WDR64: variants seen among roughly 807,000 people sequenced by gnomAD.
WDR64 encodes the protein WD repeat domain 64, also known as WD repeat-containing protein 64.
WDR64 carries 112 observed loss-of-function variants against 139.3 expected under a neutral mutation model. The ratio of observed to expected loss-of-function variants is 0.80; its 90% CI spans 0.69 to 0.94. The LOEUF (loss-of-function observed/expected upper bound fraction) is 0.94. Among genes scored for constraint, WDR64 ranks in the 40% least tolerant of loss-of-function variants. WDR64 has a pLI of 0.00. For missense variants in WDR64, 1,206 were observed against 1,293.1 expected, an observed-to-expected ratio of 0.93 and a Z score of 1.03; for synonymous variants, 444 against 437.7, an observed-to-expected ratio of 1.01 and a Z score of -0.18.
At chr1:241,752,280 A>G (rs1670008909) in intron 14 of WDR64, among the ~76,000 whole-genome samples, 1 of 152,214 alleles carries the variant, frequency 6.6e-6, no homozygotes, top group South Asian at 2.1e-4. Context: ...GTAGAAAATA[A>G]GGGTAACTTT....
intron 9 of WDR64, among the ~76,000 whole-genome samples, chr1:241,719,033 G>C (rs1668508456): frequency 6.6e-6 from 1 of 152,104 alleles, no homozygotes; most frequent in Non-Finnish European, 1.5e-5. Flanking sequence ...TCACTCAATT[G>C]CAATTCTTAA....
At chr1:241,706,341 A>G (rs987651106) in intron 8 of WDR64, among the ~76,000 whole-genome samples, 1 of 152,252 alleles carries the variant, frequency 6.6e-6, no homozygotes, top group African/African-American at 2.4e-5. Context: ...GAATTGGCCC[A>G]AGAAGATTTG....
intron 16 of WDR64, among the ~76,000 whole-genome samples, chr1:241,768,207 G>C (rs578217664): frequency 1.3e-5 from 2 of 152,340 alleles, no homozygotes; most frequent in South Asian, 4.1e-4. Flanking sequence ...AAACAACCAA[G>C]TATAGTGTGG....
chr1:241,772,969 G>A, intron 20 of WDR64, 38 bp downstream of exon 20: 3 of 1,524,296 alleles, frequency 2.0e-6, no homozygotes, highest in Non-Finnish European at 2.6e-6. Flanking sequence ...AGGAAAGAAT[G>A]GGAAAGATAA....
At chr1:241,705,561 A>ATAAAT (rs1667915994) in intron 8 of WDR64, among the ~76,000 whole-genome samples, 1 of 113,236 alleles carries the variant, frequency 8.8e-6, no homozygotes, top group South Asian at 2.7e-4. Context: ...AAATAAATAA[A>ATAAAT]TAATAATAAT....
At chr1:241,661,561 A>T (rs190996120) in intron 2 of WDR64, among the ~76,000 whole-genome samples, 1 of 152,292 alleles carries the variant, frequency 6.6e-6, no homozygotes, top group Admixed American at 6.5e-5. Context: ...TCACTTTATG[A>T]AGCTAAAATA....
chr1:241,745,399 T>A (rs1037439737), intron 13 of WDR64, among the ~76,000 whole-genome samples: 1 of 151,886 alleles, frequency 6.6e-6, no homozygotes, highest in Non-Finnish European at 1.5e-5. Flanking sequence ...AACTGTTCCA[T>A]AAGCACACCC....
At chr1:241,691,328 T>C (rs1667272884) in intron 8 of WDR64, among the ~76,000 whole-genome samples, 1 of 152,206 alleles carries the variant, frequency 6.6e-6, no homozygotes, top group Non-Finnish European at 1.5e-5. Flanking sequence ...CAATAATTAC[T>C]TTAAAAGTCA....
intron 16 of WDR64, among the ~76,000 whole-genome samples, chr1:241,767,210 G>A (rs1042787044): frequency 1.3e-5 from 2 of 152,066 alleles, no homozygotes; most frequent in African/African-American, 4.8e-5. Flanking sequence ...ACCTCAACAC[G>A]TCTGATTTAT....
At chr1:241,679,458 TCCC>T in intron 5 of WDR64, 24 bp from the exon 6 acceptor site, 1 of 1,536,670 alleles carries the variant, frequency 6.5e-7, no homozygotes, top group Non-Finnish European at 8.8e-7. Flanking sequence ...ATGCATTATA[TCCC>T]CCAATTCTCT....
intron 10 of WDR64, among the ~76,000 whole-genome samples, chr1:241,735,520 T>C (rs1669264506): frequency 8.1e-6 from 1 of 124,022 alleles, no homozygotes; most frequent in African/African-American, 3.2e-5. Flanking sequence ...TCTCTGTCTC[T>C]CTCTCTCTCT....
At chr1:241,791,844 T>C (rs1659224787) in intron 25 of WDR64, among the ~76,000 whole-genome samples, 1 of 152,204 alleles carries the variant, frequency 6.6e-6, no homozygotes, top group Non-Finnish European at 1.5e-5. Context: ...GAGAAAAGGA[T>C]GTGGACATCT....
At chr1:241,744,964 G>C (rs909534606) in intron 13 of WDR64, among the ~76,000 whole-genome samples, 1 of 152,152 alleles carries the variant, frequency 6.6e-6, no homozygotes, top group Non-Finnish European at 1.5e-5. Flanking sequence ...TTCTATATTG[G>C]CATTGTTCAT....
chr1:241,705,280 G>C (rs1047088212), intron 8 of WDR64, among the ~76,000 whole-genome samples: 6 of 151,932 alleles, frequency 3.9e-5, no homozygotes, highest in Non-Finnish European at 8.8e-5. Flanking sequence ...GGTGGCTCAC[G>C]CCTGTAATCC....
chr1:241,780,858 C>A (rs939614601), intron 22 of WDR64, among the ~76,000 whole-genome samples: 4 of 152,108 alleles, frequency 2.6e-5, no homozygotes, highest in Non-Finnish European at 5.9e-5. Flanking sequence ...GAAGTCAGGG[C>A]CAGGGTCGGG....
At chr1:241,800,915 C>T (rs892198973) in intron 27 of WDR64, among the ~76,000 whole-genome samples, 2 of 152,096 alleles carry the variant, frequency 1.3e-5, no homozygotes, top group African/African-American at 4.8e-5. Flanking sequence ...AGTAGCTCTT[C>T]AGCTTCTGCT....
At chr1:241,711,977 C>T in intron 9 of WDR64, 96 bp downstream of exon 9, 2 of 1,169,858 alleles carry the variant, frequency 1.7e-6, no homozygotes, top group Non-Finnish European at 1.2e-6. Flanking sequence ...AGGGAATTTA[C>T]AAATTTGTAT....
At chr1:241,684,825 TC>T (rs1666946817) in intron 7 of WDR64, among the ~76,000 whole-genome samples, 1 of 152,164 alleles carries the variant, frequency 6.6e-6, no homozygotes, top group Non-Finnish European at 1.5e-5. Flanking sequence ...TGGCGCAGTC[TC>T]GGCTCCCTGC....
In WDR64 at chr1:241,802,701, G is replaced by C. The variant is rs927783025; in HGVS notation, c.*1486G>C. On this transcript the variant is annotated 3_prime_UTR_variant, in exon 28 of 28. Transcript: ENST00000437684. Reference sequence around the variant, plus strand: ...GACTGATAGATGGATATGTGTTAGAGCATATCTAAAACCACATTAATTATG... The same window carrying C: ...GACTGATAGATGGATATGTGTTAGACCATATCTAAAACCACATTAATTATG... 6.6e-6 allele frequency among the ~76,000 whole-genome samples: 1 copy of C among 152,076 alleles called. No homozygotes were observed. Among genetic ancestry groups the C allele is most frequent in the Non-Finnish European group, 1.5e-5 (1 of 68,010 alleles).
Sources: gnomAD v4.1 joint callset for allele counts (sites outside exome capture counted in the v4.1 genomes callset) on GRCh38, gnomAD v4.1.1 for gene constraint, MANE v1.5 for transcripts, NCBI Gene and HGNC (gene_info 2026-07-23, HGNC 2026-07-21) for gene names.